Variants in ATG10 observed in about 807,000 individuals in gnomAD.
ATG10 encodes the protein autophagy related 10.
In ATG10, 30 loss-of-function variants were observed where a neutral mutation model predicts 32.1. That is an observed-to-expected ratio of 0.94 (90% CI 0.70 to 1.27). ATG10 has a LOEUF of 1.27. Among genes scored for constraint, ATG10 ranks in the 50% most tolerant of loss-of-function variants. ATG10 has a pLI of 0.00. For synonymous variants in ATG10, 87 were observed against 91.5 expected, an observed-to-expected ratio of 0.95 and a Z score of 0.28; for missense variants, 233 against 262.3, an observed-to-expected ratio of 0.89 and a Z score of 0.77.
At chr5:82,072,058 C>T (rs773456185) in intron 3 of ATG10, among the ~76,000 whole-genome samples, 1 of 152,046 alleles carries the variant, frequency 6.6e-6, no homozygotes. Flanking sequence ...GGATCCTAAG[C>T]GATTACCCTC....
chr5:82,212,074 T>C (rs967776001), intron 5 of ATG10, among the ~76,000 whole-genome samples: 1 of 152,216 alleles, frequency 6.6e-6, no homozygotes, highest in Non-Finnish European at 1.5e-5. Context: ...CCTCCTCTAG[T>C]AATTCACTTT....
chr5:82,013,897 A>T (rs528422997), intron 2 of ATG10, among the ~76,000 whole-genome samples: 6 of 151,450 alleles, frequency 4.0e-5, no homozygotes, highest in African/African-American at 1.2e-4. Context: ...TAGATTCTGG[A>T]TATTAGTCAT....
chr5:82,248,804 A>C (rs562184166), intron 5 of ATG10, among the ~76,000 whole-genome samples: 1 of 152,154 alleles, frequency 6.6e-6, no homozygotes, highest in East Asian at 1.9e-4. Context: ...AACCAAAAGC[A>C]TTTTGCCAAA....
rs866260446 is a variant in ATG10 at position 82,086,498 on chromosome 5, A to G, written c.216+27896A>G. Among the ~76,000 whole-genome samples, 7 of 152,358 alleles carry G rather than the reference A, an allele frequency of 4.6e-5. No homozygotes were observed. In the East Asian group the frequency reaches 5.8e-4, roughly 13 times the overall value. ...GGCATCTCTCTTTCTCTCTACCCCT[A>G]CATGGCCTCTCTACATGGCTATCTT... On this transcript the variant is annotated intron_variant, in intron 3 of 7. Transcript: ENST00000282185.
intron 3 of ATG10, among the ~76,000 whole-genome samples, chr5:82,148,553 TCTTA>T (rs1321615675): frequency 6.6e-6 from 1 of 152,168 alleles, no homozygotes; most frequent in Non-Finnish European, 1.5e-5. Context: ...TTCTAAAAAC[TCTTA>T]CTTTGACATT....
intron 3 of ATG10, among the ~76,000 whole-genome samples, chr5:82,157,279 C>T (rs1195957263): frequency 6.6e-6 from 1 of 152,108 alleles, no homozygotes; most frequent in Non-Finnish European, 1.5e-5. Context: ...GATAATATTA[C>T]TGGGAAGGGG....
chr5:82,208,512 G>A lies in ATG10; in HGVS notation c.453+29925G>A, dbSNP rs569502344. On this transcript the variant is annotated intron_variant, in intron 5 of 7. Coordinates refer to ENST00000282185, the MANE Select transcript of ATG10 (RefSeq NM_031482.5). ...AGTATTCTACTTATAGAACTGGCGC[G>A]TCTTTTGTTGCATTTTCTTAGCTTC... 7.2e-5 allele frequency among the ~76,000 whole-genome samples: 11 copies of A among 152,116 alleles called. No homozygotes were observed. In the South Asian group the frequency reaches 8.3e-4, roughly 11 times the overall value.
intron 2 of ATG10, among the ~76,000 whole-genome samples, chr5:82,036,370 G>A (rs1762922808): frequency 6.6e-6 from 1 of 152,070 alleles, no homozygotes; most frequent in South Asian, 2.1e-4. Context: ...GAGGCGGGCA[G>A]ATCACCTGAT....
chr5:82,015,733 C>G lies in ATG10; in HGVS notation c.108+28055C>G, dbSNP rs1031701694. On this transcript the variant is annotated intron_variant, in intron 2 of 7. Transcript: ENST00000282185. The stretch of plus-strand genomic sequence containing the variant: ...TATTCCAGTTAGCCATTCATCTAAT[C>G]TGTTTTCAAGGTTTTTAGCTTCTTT... Among the ~76,000 whole-genome samples, 3 of 152,152 alleles carry G rather than the reference C, an allele frequency of 2.0e-5. No homozygotes were observed. In the East Asian group the frequency reaches 5.8e-4, roughly 29 times the overall value.
chr5:82,041,664 G>T (rs926498371), intron 2 of ATG10, among the ~76,000 whole-genome samples: 1 of 152,128 alleles, frequency 6.6e-6, no homozygotes, highest in African/African-American at 2.4e-5. Context: ...CAGCTGAATT[G>T]CTTCAGGTAA....
intron 3 of ATG10, among the ~76,000 whole-genome samples, chr5:82,098,192 G>C (rs1203367794): frequency 6.6e-6 from 1 of 151,692 alleles, no homozygotes; most frequent in Admixed American, 6.6e-5. Context: ...AAACATTTAA[G>C]TCTTTCCTTA....
intron 3 of ATG10, among the ~76,000 whole-genome samples, chr5:82,083,240 A>G (rs763207910): frequency 2.0e-5 from 3 of 152,200 alleles, no homozygotes; most frequent in Non-Finnish European, 4.4e-5. Flanking sequence ...CTGCTAGCAC[A>G]GTAGTCTGAG....
chr5:82,091,387 T>A (rs905567428), intron 3 of ATG10, among the ~76,000 whole-genome samples: 3 of 152,236 alleles, frequency 2.0e-5, no homozygotes, highest in Admixed American at 6.5e-5. Context: ...GCCTTTTTTT[T>A]AGCTTTTTTC....
At chr5:82,246,696 T>A (rs534449386) in intron 5 of ATG10, among the ~76,000 whole-genome samples, 1 of 152,166 alleles carries the variant, frequency 6.6e-6, no homozygotes, top group South Asian at 2.1e-4. Flanking sequence ...TATAATCTTA[T>A]GTCTTTTTTA....
In ATG10 at chr5:82,253,374, A is replaced by G; in HGVS notation, c.612A>G (p.Leu204=). 1 of 1,613,212 alleles carries G rather than the reference A, an allele frequency of 6.2e-7. No homozygotes were observed. ...SIVGPVVGLN[L]PLSYAKATSQ... is the part of the protein sequence containing the mutation. ...TAGGGCCAGTTGTTGGGCTGAATCT[A>G]CCTCTGAGTTATGCCAAAGCAACGT... is the stretch of plus-strand genomic sequence containing the variant. The change falls in exon 7 of 8, where the codon CTA becomes CTG. Residue 204 remains leucine, a synonymous_variant. Transcript: ENST00000282185.
chr5:82,074,029 CTA>C (rs1764202406), intron 3 of ATG10, among the ~76,000 whole-genome samples: 1 of 152,266 alleles, frequency 6.6e-6, no homozygotes, highest in Non-Finnish European at 1.5e-5. Context: ...TACAGTGGTA[CTA>C]TGTGTTGACA....
At chr5:82,062,170 T>G (rs1008551038) in intron 3 of ATG10, among the ~76,000 whole-genome samples, 2 of 152,128 alleles carry the variant, frequency 1.3e-5, no homozygotes, top group Non-Finnish European at 2.9e-5. Flanking sequence ...AATAACATAT[T>G]TTTTTTCAAC....
chr5:82,171,380 C>G (rs1305493875), intron 4 of ATG10, among the ~76,000 whole-genome samples: 1 of 152,146 alleles, frequency 6.6e-6, no homozygotes, highest in African/African-American at 2.4e-5. Context: ...AAATATATAA[C>G]ATTTTAAGCT....
chr5:82,046,886 G>C (rs969514944), intron 2 of ATG10, among the ~76,000 whole-genome samples: 1 of 151,660 alleles, frequency 6.6e-6, no homozygotes, highest in African/African-American at 2.4e-5. Flanking sequence ...AATAGCCAAT[G>C]GTTCAAAAAG....
Sources: allele counts gnomAD v4.1 joint callset (sites outside exome capture counted in the v4.1 genomes callset), GRCh38; gene constraint gnomAD v4.1.1; transcripts MANE v1.5; gene names NCBI Gene and HGNC (gene_info 2026-07-23, HGNC 2026-07-21).